The following SSTR3 variants were observed in gnomAD, a reference collection of about 807,000 sequenced individuals.
The protein encoded by SSTR3 is somatostatin receptor 3, also known as somatostatin receptor type 3.
For missense variants in SSTR3, 504 were observed against 604.7 expected (o/e 0.83, Z 1.75); for synonymous variants, 281 against 269.2 (o/e 1.04, Z -0.43).
upstream of SSTR3, among the ~76,000 whole-genome samples, chr22:37,216,621 C>G (rs1446743919): frequency 6.6e-6 from 1 of 152,252 alleles, no homozygotes; most frequent in Non-Finnish European, 1.5e-5. Context: ...ACGAGCTCCT[C>G]TTATCTGGGC....
At chr22:37,208,025 C>A (rs576572265) in intron 1 of SSTR3, among the ~76,000 whole-genome samples, 186 bp from the exon 2 acceptor site, 18 of 152,274 alleles carry the variant, frequency 1.2e-4, no homozygotes, top group African/African-American at 3.4e-4. Context: ...AAGGCTGAGT[C>A]GTGTTATCCC....
intron 1 of SSTR3, among the ~76,000 whole-genome samples, chr22:37,209,048 CT>C (rs1228546429): frequency 6.6e-6 from 1 of 152,218 alleles, no homozygotes; most frequent in Non-Finnish European, 1.5e-5. Context: ...AATCCCCTGG[CT>C]CCTGGCTGTC....
At chr22:37,213,130 C>T (rs752181274), upstream of SSTR3, among the ~76,000 whole-genome samples, 8 of 152,150 alleles carry the variant, frequency 5.3e-5, no homozygotes, top group Admixed American at 3.9e-4. Flanking sequence ...TTCATCAAAC[C>T]GATTGCAAAT....
upstream of SSTR3, among the ~76,000 whole-genome samples, chr22:37,216,201 C>G (rs149667270): frequency 1.3e-5 from 2 of 150,008 alleles, no homozygotes; most frequent in African/African-American, 4.9e-5. Flanking sequence ...CTCCCACCCC[C>G]CCATCCCACA....
rs1189513419 is a variant in SSTR3 at position 37,207,173 on chromosome 22, C to T, written c.631G>A (p.Ala211Thr). 1 of 1,612,366 alleles carries T rather than the reference C, an allele frequency of 6.2e-7. No homozygotes were observed. The highest frequency in any genetic ancestry group is 8.5e-7 in the Non-Finnish European group (1 of 1,179,616). The change falls in exon 2 of 2, where the codon GCC (alanine) becomes ACC (threonine). Residue 211 changes from alanine (A) to threonine (T), a missense_variant. Transcript: ENST00000610913. ...AGCGGCCCGAAGAAGCCCAGTGCGG[C>T]CGTGTAGATGATGAAGCCGGCTCGC... ...AWRAGFIIYTAALGFFGPLLV... is the reference protein window; with the variant it reads ...AWRAGFIIYTTALGFFGPLLV...
At chr22:37,214,728 TAA>T (rs939434983), upstream of SSTR3, among the ~76,000 whole-genome samples, 6 of 152,120 alleles carry the variant, frequency 3.9e-5, no homozygotes, top group Non-Finnish European at 8.8e-5. Flanking sequence ...ATTACAAACA[TAA>T]GTCATCCCAG....
At chr22:37,212,552 G>C (rs946019241), upstream of SSTR3, among the ~76,000 whole-genome samples, 8 of 151,952 alleles carry the variant, frequency 5.3e-5, no homozygotes, top group African/African-American at 1.7e-4. Context: ...GAGGAGGCCC[G>C]GAGAGGGAGC....
intron 1 of SSTR3, among the ~76,000 whole-genome samples, chr22:37,209,757 C>T (rs5756557): frequency 0.18 from 27,266 of 152,210 alleles, 2,651 homozygotes; most frequent in Non-Finnish European, 0.23. Context: ...ACCACCTCTA[C>T]GCCCATTCCA....
Position 37,207,558 on chromosome 22 carries a change from G to A in SSTR3, c.246C>T (p.Tyr82=), listed in dbSNP as rs765337316. 6.2e-7 allele frequency: 1 copy of A among 1,613,738 alleles called. No individual in the cohort carries two copies. Among genetic ancestry groups the A allele is most frequent in the Admixed American group, 1.7e-5 (1 of 60,032 alleles). Residue 82 remains tyrosine, a synonymous_variant, in exon 2 of 2, where the codon TAC becomes TAT. Transcript: ENST00000610913. ...HTASPSVTNV[Y]ILNLALADEL... ...CGTCGGCCAGCGCCAGGTTGAGGAT[G>A]TAGACGTTGGTGACTGAAGGGCTGG...
chr22:37,209,048 C>A (rs1435580226), intron 1 of SSTR3, among the ~76,000 whole-genome samples: 1 of 152,218 alleles, frequency 6.6e-6, no homozygotes, highest in Non-Finnish European at 1.5e-5. Flanking sequence ...AATCCCCTGG[C>A]TCCTGGCTGT....
chr22:37,212,041 T>C lies in SSTR3; in HGVS notation c.-253A>G. ...TCCCATCTGGTCTCCGGCCCTGACT[T>C]CCCAACCAGAGCCTGGTACGTCACC... On this transcript the variant is annotated 5_prime_UTR_variant, in exon 1 of 2. Coordinates refer to ENST00000610913, the MANE Select transcript of SSTR3 (RefSeq NM_001051.5). 1 of 985,394 alleles carries C rather than the reference T, an allele frequency of 1.0e-6. No individual in the cohort carries two copies. Among genetic ancestry groups the C allele is most frequent in the Non-Finnish European group, 1.2e-6 (1 of 830,106 alleles). 61.0% of individuals were successfully genotyped at this position (985,394 alleles called of 1,614,324 possible). A position where few individuals can be genotyped will look rare whatever the true frequency, so the allele number is the denominator to read the frequency against.
chr22:37,210,108 G>A (rs935424694), intron 1 of SSTR3, among the ~76,000 whole-genome samples: 2 of 152,336 alleles, frequency 1.3e-5, no homozygotes, highest in African/African-American at 4.8e-5. Context: ...GCCCTGTGCT[G>A]TGCACAGATC....
rs1447146372 is a variant in SSTR3, at chr22:37,206,826, C to G, written c.978G>C (p.Arg326Ser). ...CACGGCGGGAGGGCCGCAGCAGGAC[C>G]CTGCGGAAGCCCTGCTTGAAGCGGT... ...LSYRFKQGFR[R>S]VLLRPSRRVR... Residue 326 changes from arginine to serine, a missense_variant, in exon 2 of 2, where the codon AGG becomes AGC. Physicochemically the swap from Arg to Ser is moderately radical, Grantham distance 110 (BLOSUM62 -1). Coordinates refer to ENST00000610913, the MANE Select transcript of SSTR3 (RefSeq NM_001051.5). The G allele has an allele frequency of 6.2e-7, 1 of 1,612,956 alleles. No homozygotes were observed. The highest frequency in any genetic ancestry group is 2.2e-5 in the East Asian group (1 of 44,878).
chr22:37,207,953 G>A, intron 1 of SSTR3, 114 bp from the exon 2 acceptor site: 2 of 1,342,360 alleles, frequency 1.5e-6, no homozygotes, highest in Non-Finnish European at 9.5e-7. Flanking sequence ...CATCGTCTGA[G>A]AGATTTCAGA....
At position 37,207,073 on chromosome 22, in the gene SSTR3, G is replaced by C. The variant is rs201384387; in HGVS notation, c.731C>G (p.Ser244Trp). The C allele has an allele frequency of 6.2e-6, 10 of 1,612,168 alleles. No homozygotes were observed. Among genetic ancestry groups the C allele is most frequent in the Non-Finnish European group, 8.5e-6 (10 of 1,179,448 alleles). Residue 244 changes from serine to tryptophan, a missense_variant, in exon 2 of 2, where the codon TCG becomes TGG. Ser to Trp is a radical substitution (Grantham distance 177, BLOSUM62 -3). Transcript: ENST00000610913. The part of the protein sequence containing the change: ...RSAGRRVWAP[S>W]CQRRRRSERR... ...TTCGGAGCGCCGCCGCCGCTGGCAC[G>C]AGGGTGCCCACACCCGGCGCCCAGC... is the stretch of plus-strand genomic sequence containing the variant.
upstream of SSTR3, among the ~76,000 whole-genome samples, chr22:37,213,977 T>TTTAAGTTAA (rs921604212): frequency 4.6e-5 from 7 of 152,324 alleles, no homozygotes; most frequent in African/African-American, 1.7e-4. Context: ...ACCCCTGCCG[T>TTTAAGTTAA]GCACTGAACT....
intron 1 of SSTR3, chr22:37,210,573 G>A (rs1298383979): frequency 3.0e-6 from 3 of 985,362 alleles, no homozygotes; most frequent in South Asian, 9.4e-5. Flanking sequence ...CTTTTCTTTA[G>A]AGCTGGAATC....
At chr22:37,219,686 C>A in the SSTR3 span, among the ~76,000 whole-genome samples, 1 of 152,330 alleles carries the variant, frequency 6.6e-6, no homozygotes, top group South Asian at 2.1e-4. Flanking sequence ...GTATCAGTAC[C>A]TGTGTCACAA....
At chr22:37,218,977 C>G in the SSTR3 span, among the ~76,000 whole-genome samples, 1 of 152,194 alleles carries the variant, frequency 6.6e-6, no homozygotes, top group Admixed American at 6.5e-5. Context: ...CCCTACTCCA[C>G]CCCACCATGT....
Sources: allele counts gnomAD v4.1 joint callset (sites outside exome capture counted in the v4.1 genomes callset), GRCh38; gene constraint gnomAD v4.1.1; transcripts MANE v1.5; gene names NCBI Gene and HGNC (gene_info 2026-07-23, HGNC 2026-07-21).